Variants in HHAT observed in about 807,000 individuals in gnomAD.
The protein encoded by HHAT is protein-cysteine N-palmitoyltransferase HHAT.
HHAT carries 47 observed loss-of-function variants against 70.8 expected under a neutral mutation model. The observed-to-expected ratio is 0.66, with a 90% CI of 0.53 to 0.85. HHAT has a LOEUF of 0.85. Among genes scored for constraint, HHAT ranks in the 40% least tolerant of loss-of-function variants. HHAT has a pLI of 0.00. For synonymous variants in HHAT, 228 were observed against 247.6 expected (o/e 0.92, Z 0.74); for missense variants, 609 against 604.8 (o/e 1.01, Z -0.07).
intron 1 of HHAT, among the ~76,000 whole-genome samples, chr1:210,339,438 T>TC: frequency 7.6e-6 from 1 of 132,006 alleles, no homozygotes; most frequent in Admixed American, 7.3e-5. Flanking sequence ...TTCTCCTCCT[T>TC]GAATCCGGGC....
intron 7 of HHAT, among the ~76,000 whole-genome samples, chr1:210,453,714 G>A (rs775217453): frequency 2.0e-5 from 3 of 152,062 alleles, no homozygotes; most frequent in Admixed American, 1.3e-4. Flanking sequence ...ACTTTGAGGG[G>A]GGTAATTATT....
chr1:210,340,411 C>A (rs773430687), intron 1 of HHAT, among the ~76,000 whole-genome samples: 17 of 152,086 alleles, frequency 1.1e-4, no homozygotes, highest in Non-Finnish European at 1.8e-4. Flanking sequence ...AAGTCTCATA[C>A]CACTTTTTCC....
At chr1:210,593,340 C>G (rs550608531) in intron 10 of HHAT, among the ~76,000 whole-genome samples, 2 of 152,138 alleles carry the variant, frequency 1.3e-5, no homozygotes, top group South Asian at 4.2e-4. Context: ...CTTAGTACTT[C>G]TTTTGCTATA....
chr1:210,528,736 G>A (rs1180888989), intron 9 of HHAT, among the ~76,000 whole-genome samples: 1 of 152,030 alleles, frequency 6.6e-6, no homozygotes, highest in Non-Finnish European at 1.5e-5. Flanking sequence ...ATATTAATTA[G>A]GGTAGATTTG....
At chr1:210,478,827 G>A (rs75324808) in intron 8 of HHAT, among the ~76,000 whole-genome samples, 2,040 of 152,230 alleles carry the variant, frequency 0.013, 52 homozygotes, top group African/African-American at 0.047. Flanking sequence ...GGATACTCTG[G>A]AACTGTTGGC....
At chr1:210,473,519 T>G (rs1200886686) in intron 8 of HHAT, among the ~76,000 whole-genome samples, 1 of 152,126 alleles carries the variant, frequency 6.6e-6, no homozygotes, top group Non-Finnish European at 1.5e-5. Flanking sequence ...GAGTCACCAG[T>G]TTAACCTGAG....
In HHAT at chr1:210,581,897, G is replaced by T. The variant is rs55749920; in HGVS notation, c.1044-6001G>T. Among the ~76,000 whole-genome samples, 900 of 152,254 alleles carry T rather than the reference G, an allele frequency of 5.9e-3. 9 individuals carry two copies. The highest frequency in any genetic ancestry group is 0.02 in the African/African-American group (850 of 41,554). ...AAATTATGTTACGTATTTAAGTACTGTTGACTAGTAGCTGTGTAACATACA... is the reference window on the plus strand; with the variant it reads ...AAATTATGTTACGTATTTAAGTACTTTTGACTAGTAGCTGTGTAACATACA... On this transcript the variant is annotated intron_variant, in intron 9 of 11. Transcript: ENST00000261458.
At chr1:210,356,816 G>A (rs2087681467) in intron 2 of HHAT, among the ~76,000 whole-genome samples, 2 of 152,236 alleles carry the variant, frequency 1.3e-5, no homozygotes, top group African/African-American at 4.8e-5. Context: ...TAACTCTGAA[G>A]AACCCAGTCC....
intron 10 of HHAT, among the ~76,000 whole-genome samples, chr1:210,603,566 G>T (rs1664744210): frequency 6.6e-6 from 1 of 152,086 alleles, no homozygotes; most frequent in Non-Finnish European, 1.5e-5. Context: ...TCCTGTTACT[G>T]ATGGAAAGAA....
chr1:210,554,454 T>C (rs915975003), intron 9 of HHAT, among the ~76,000 whole-genome samples: 1 of 152,088 alleles, frequency 6.6e-6, no homozygotes, highest in African/African-American at 2.4e-5. Context: ...GTTTGTGCCT[T>C]GAAGGTTGAG....
At chr1:210,403,931 CTT>C (rs56979148) in intron 5 of HHAT, among the ~76,000 whole-genome samples, 21,138 of 141,206 alleles carry the variant, frequency 0.15, 1,566 homozygotes, top group East Asian at 0.27. Flanking sequence ...AGGGCAGGGA[CTT>C]TTTTTTTTTT....
At chr1:210,664,073 A>G (rs746533582) in intron 11 of HHAT, among the ~76,000 whole-genome samples, 7 of 152,172 alleles carry the variant, frequency 4.6e-5, no homozygotes, top group Non-Finnish European at 7.4e-5. Context: ...GCTTCTGTCC[A>G]TCTCCCCCAC....
At chr1:210,335,748 C>T (rs544924930) in intron 1 of HHAT, among the ~76,000 whole-genome samples, 7 of 152,110 alleles carry the variant, frequency 4.6e-5, no homozygotes, top group Non-Finnish European at 8.8e-5. Flanking sequence ...AGATCATGTA[C>T]CTCATCTCAT....
At chr1:210,348,193 A>G (rs1171858601) in intron 1 of HHAT, among the ~76,000 whole-genome samples, 3 of 152,208 alleles carry the variant, frequency 2.0e-5, no homozygotes, top group Non-Finnish European at 4.4e-5. Flanking sequence ...CAGCCTGGGA[A>G]ACATAGACCC....
chr1:210,463,541 A>AT (rs1222059132), intron 7 of HHAT, among the ~76,000 whole-genome samples: 1 of 152,178 alleles, frequency 6.6e-6, no homozygotes, highest in Non-Finnish European at 1.5e-5. Context: ...CTATCCATGC[A>AT]TTTGTTGACA....
At chr1:210,582,980 G>A (rs1413591950) in intron 9 of HHAT, among the ~76,000 whole-genome samples, 1 of 152,210 alleles carries the variant, frequency 6.6e-6, no homozygotes, top group Non-Finnish European at 1.5e-5. Context: ...TGTGGAGACT[G>A]TTTTGAAGAT....
chr1:210,672,608 G>A (rs1047538395), intron 11 of HHAT, among the ~76,000 whole-genome samples: 1 of 152,212 alleles, frequency 6.6e-6, no homozygotes, highest in Admixed American at 6.5e-5. Context: ...ATGGGACTGT[G>A]TCTTTCCCTT....
rs923507914 is a variant in HHAT, at chr1:210,648,664, A to G, written c.1390+24994A>G. ...CTGTTAAAGCCCCACAAGCTGATTG[A>G]TTATGCACAACACGCATTCTCCAGA... On this transcript the variant is annotated intron_variant, in intron 11 of 11. Transcript: ENST00000261458. Among the ~76,000 whole-genome samples, 7 of 152,204 alleles carry G rather than the reference A, an allele frequency of 4.6e-5. No individual in the cohort carries two copies. The South Asian group carries it at 1.4e-3, about 32-fold the overall frequency.
intron 2 of HHAT, among the ~76,000 whole-genome samples, chr1:210,354,703 A>G (rs1217135587): frequency 6.6e-6 from 1 of 152,064 alleles, no homozygotes; most frequent in East Asian, 1.9e-4. Flanking sequence ...TGATTTCTCA[A>G]TCAATTCTTA....
Sources: gnomAD v4.1 joint callset for allele counts (sites outside exome capture counted in the v4.1 genomes callset) on GRCh38, gnomAD v4.1.1 for gene constraint, MANE v1.5 for transcripts, NCBI Gene and HGNC (gene_info 2026-07-23, HGNC 2026-07-21) for gene names.